MAP2K6: variants seen among roughly 807,000 people sequenced by gnomAD.
The protein encoded by MAP2K6 is mitogen-activated protein kinase kinase 6, also known as dual specificity mitogen-activated protein kinase kinase 6.
In MAP2K6, 16 loss-of-function variants were observed where a neutral mutation model predicts 53.7. The ratio of observed to expected loss-of-function variants is 0.30; its 90% CI spans 0.20 to 0.45. The LOEUF is 0.45. Ranked by LOEUF, MAP2K6 falls within the 20% of genes least tolerant of loss-of-function variation. The pLI is 1.00. For synonymous variants in MAP2K6, 132 were observed against 143.1 expected (o/e 0.92, Z 0.55); for missense variants, 204 against 411.9 (o/e 0.50, Z 4.37).
chr17:69,476,197 G>A (rs540698607), intron 1 of MAP2K6, among the ~76,000 whole-genome samples: 11 of 152,014 alleles, frequency 7.2e-5, no homozygotes, highest in East Asian at 1.9e-4. Context: ...GTATACATAC[G>A]GTCATATATT....
Position 69,524,890 on chromosome 17 carries a change from C to G in MAP2K6, c.664-11C>G. On this transcript the variant is annotated splice_polypyrimidine_tract_variant and intron_variant, in intron 8 of 11. Transcript: ENST00000590474. ...TCTTCCCAGTTTCTCAGTTGTCTGT[C>G]TTCTTTCCAGCCTGAAAGAATAAAC... 1 of 1,604,308 alleles carries G rather than the reference C, an allele frequency of 6.2e-7. No individual in the cohort carries two copies. Among genetic ancestry groups the G allele is most frequent in the East Asian group, 2.2e-5 (1 of 44,794 alleles).
chr17:69,471,738 CAT>C (rs1390675952), intron 1 of MAP2K6, among the ~76,000 whole-genome samples: 1 of 152,126 alleles, frequency 6.6e-6, no homozygotes, highest in African/African-American at 2.4e-5. Context: ...ATAAATAATT[CAT>C]ATGTTAAAAA....
chr17:69,503,748 C>A (rs940852907), intron 1 of MAP2K6, among the ~76,000 whole-genome samples: 1 of 152,072 alleles, frequency 6.6e-6, no homozygotes, highest in African/African-American at 2.4e-5. Flanking sequence ...CTGATTGTTT[C>A]CCTAAATGAA....
chr17:69,463,538 C>T (rs944534885), intron 1 of MAP2K6, among the ~76,000 whole-genome samples: 10 of 149,740 alleles, frequency 6.7e-5, no homozygotes, highest in African/African-American at 2.2e-4. Flanking sequence ...AATCTTGGCT[C>T]GCTGCAACCT....
Position 69,430,176 on chromosome 17 carries a change from A to G in MAP2K6, c.16+15176A>G, listed in dbSNP as rs141759790. ...ACCCCGTCTCTACTACAAACATATT[A>G]AAAAAGTAAATTAGCCAGGCGTGGT... On this transcript the variant is annotated intron_variant, in intron 1 of 11. Transcript: ENST00000590474. Among the ~76,000 whole-genome samples, 11 of 152,226 alleles carry G rather than the reference A, an allele frequency of 7.2e-5. No individual in the cohort carries two copies. The East Asian group carries it at 1.9e-3, about 27-fold the overall frequency.
chr17:69,459,553 GA>G (rs1265151578), intron 1 of MAP2K6, among the ~76,000 whole-genome samples: 1 of 151,396 alleles, frequency 6.6e-6, no homozygotes, highest in Non-Finnish European at 1.5e-5. Context: ...CTCAACTAAA[GA>G]TACAAAAATT....
chr17:69,546,794 T>C lies in MAP2K6; in HGVS notation c.*5041T>C, dbSNP rs541986584. The C allele has an allele frequency of 6.6e-6, 1 of 152,230 alleles. No homozygotes were observed. The highest frequency in any genetic ancestry group is 2.4e-5 in the African/African-American group (1 of 41,472). 9.4% of individuals were successfully genotyped at this position (152,230 alleles called of 1,614,324 possible). A position where few individuals can be genotyped will look rare whatever the true frequency, so the allele number is the denominator to read the frequency against. ...TTTGTTGGCTCAAAGGATCTTCTGC[T>C]TTTAATGAATTAGCAAGTGAAAAGG... On this transcript the variant is annotated 3_prime_UTR_variant, in exon 12 of 12. Transcript: ENST00000590474.
chr17:69,535,434 T>C (rs377479579), intron 10 of MAP2K6, among the ~76,000 whole-genome samples: 97 of 151,766 alleles, frequency 6.4e-4, no homozygotes, highest in African/African-American at 2.2e-3. Context: ...CTCTACAAGA[T>C]ACAAAAATTA....
chr17:69,533,729 CTGTT>C (rs1185901905), intron 10 of MAP2K6, among the ~76,000 whole-genome samples: 1 of 132,664 alleles, frequency 7.5e-6, no homozygotes, highest in Non-Finnish European at 1.6e-5. Flanking sequence ...GGCTTCTAGC[CTGTT>C]TGTTTTTTTT....
intron 1 of MAP2K6, among the ~76,000 whole-genome samples, chr17:69,484,575 G>GTATA (rs1908458527): frequency 6.6e-6 from 1 of 151,970 alleles, no homozygotes. Flanking sequence ...TCACTCATAG[G>GTATA]TATATACTCA....
intron 1 of MAP2K6, among the ~76,000 whole-genome samples, chr17:69,463,377 A>G (rs1221429009): frequency 6.7e-6 from 1 of 149,546 alleles, no homozygotes; most frequent in Non-Finnish European, 1.5e-5. Context: ...GTATGTGTAT[A>G]TATATGTGTA....
chr17:69,507,260 A>G (rs893286250), intron 2 of MAP2K6, among the ~76,000 whole-genome samples: 3 of 152,112 alleles, frequency 2.0e-5, no homozygotes, highest in African/African-American at 7.2e-5. Flanking sequence ...ACTATAATAC[A>G]TTATCAAGAT....
intron 1 of MAP2K6, among the ~76,000 whole-genome samples, chr17:69,496,916 TG>T (rs1288976176): frequency 6.6e-6 from 1 of 152,100 alleles, no homozygotes; most frequent in East Asian, 1.9e-4. Context: ...TAACTTCATT[TG>T]GGGGTGGAAA....
At chr17:69,501,367 C>T (rs1909166385) in intron 1 of MAP2K6, among the ~76,000 whole-genome samples, 1 of 152,196 alleles carries the variant, frequency 6.6e-6, no homozygotes, top group Non-Finnish European at 1.5e-5. Flanking sequence ...TAATGAGGAA[C>T]ATCAGAGGAG....
At chr17:69,497,524 C>CTTTT (rs11442126) in intron 1 of MAP2K6, among the ~76,000 whole-genome samples, 2 of 149,438 alleles carry the variant, frequency 1.3e-5, no homozygotes, top group African/African-American at 2.5e-5. Context: ...CTTGTTACAT[C>CTTTT]TTTTTTTTTT....
In MAP2K6 at chr17:69,515,577, A is replaced by G. The variant is rs544382726; in HGVS notation, c.84-1278A>G. Among the ~76,000 whole-genome samples the G allele has an allele frequency of 1.5e-3, 232 of 152,330 alleles. 1 individual carries two copies. Among genetic ancestry groups the G allele is most frequent in the African/African-American group, 5.5e-3 (227 of 41,568 alleles). On this transcript the variant is annotated intron_variant, in intron 2 of 11. Coordinates refer to ENST00000590474, the MANE Select transcript of MAP2K6 (RefSeq NM_002758.4). ...TTTTTCTCTTAAGTAGATTGATACC[A>G]CCTGAGAGATCATTGAAGTGGTAGA...
chr17:69,459,915 C>T (rs948698514), intron 1 of MAP2K6, among the ~76,000 whole-genome samples: 1 of 149,024 alleles, frequency 6.7e-6, no homozygotes, highest in Non-Finnish European at 1.5e-5. Flanking sequence ...TCCTTTTCCC[C>T]TCCTTCCTCC....
chr17:69,485,456 T>C (rs1908497148), intron 1 of MAP2K6: 1 of 983,168 alleles, frequency 1.0e-6, no homozygotes, highest in South Asian at 4.7e-5. Context: ...GACTACTTCC[T>C]CAGAAGCTTA....
At position 69,452,774 on chromosome 17, in the gene MAP2K6, G is replaced by A. The variant is rs555345751; in HGVS notation, c.16+37774G>A. Among the ~76,000 whole-genome samples, 12 of 152,326 alleles carry A rather than the reference G, an allele frequency of 7.9e-5. No individual in the cohort carries two copies. In the East Asian group the frequency reaches 1.2e-3, roughly 15 times the overall value. On this transcript the variant is annotated intron_variant, in intron 1 of 11. Transcript: ENST00000590474. ...TTTAAAATGGATTGTTTAGGTTTTA[G>A]CAAAGTAGCAAAGCAGATGATGACA...
Sources: allele counts gnomAD v4.1 joint callset (sites outside exome capture counted in the v4.1 genomes callset), GRCh38; gene constraint gnomAD v4.1.1; transcripts MANE v1.5; gene names NCBI Gene and HGNC (gene_info 2026-07-23, HGNC 2026-07-21).